Variants in TMEM132D observed in about 807,000 individuals in gnomAD.
The protein encoded by TMEM132D is transmembrane protein 132D, also known as mature OL transmembrane protein.
A neutral mutation model predicts 62.3 loss-of-function variants in TMEM132D; 21 were observed. The observed-to-expected ratio is 0.34, with a 90% confidence interval of 0.24 to 0.49. The LOEUF is 0.49. TMEM132D is among the 20% of genes least tolerant of loss of function. TMEM132D has a pLI of 0.99. For missense variants in TMEM132D, 1,346 were observed against 1,402.8 expected, an observed-to-expected ratio of 0.96 and a Z score of 0.65; for synonymous variants, 621 against 575.6, an observed-to-expected ratio of 1.08 and a Z score of -1.13.
chr12:129,476,501 G>A (rs151135406), intron 3 of TMEM132D, among the ~76,000 whole-genome samples: 20 of 152,268 alleles, frequency 1.3e-4, no homozygotes, highest in African/African-American at 4.1e-4. Flanking sequence ...AATTGCTTGC[G>A]TGTGCCGAGC....
At chr12:129,587,860 A>T (rs1202090392) in intron 2 of TMEM132D, among the ~76,000 whole-genome samples, 1 of 152,198 alleles carries the variant, frequency 6.6e-6, no homozygotes, top group Non-Finnish European at 1.5e-5. Flanking sequence ...AAAAAATAAA[A>T]TCGCACGCAT....
chr12:129,268,688 A>G (rs1880764021), intron 4 of TMEM132D, among the ~76,000 whole-genome samples: 1 of 152,184 alleles, frequency 6.6e-6, no homozygotes, highest in African/African-American at 2.4e-5. Context: ...AAAGGATTAT[A>G]AACCATGCCT....
rs1344853283 is a variant in TMEM132D, at chr12:129,903,264, T to C, written c.76A>G (p.Lys26Glu). Reference protein sequence around the residue: ...VLISLAALFSKVTEGRGILES... With the variant: ...VLISLAALFSEVTEGRGILES... ...CTGGCGGCCGCGGCGTCCTCACCTT[T>C]GGAAAACAGGGCGGCCAGGCTGATG... The change falls in exon 1 of 9, where the codon AAA becomes GAA. Residue 26 changes from lysine to glutamate, a missense_variant. Physicochemically the swap from Lys to Glu is moderately conservative, Grantham distance 56. Transcript: ENST00000422113. The surrounding 1 kb of genome is among the most constrained non-coding windows in gnomAD (Gnocchi z 6.2). 1 of 1,552,742 alleles carries C rather than the reference T, an allele frequency of 6.4e-7. No individual in the cohort carries two copies. Among genetic ancestry groups the C allele is most frequent in the South Asian group, 1.2e-5 (1 of 84,110 alleles).
chr12:129,134,967 G>C (rs1360433453), intron 5 of TMEM132D, among the ~76,000 whole-genome samples: 1 of 152,226 alleles, frequency 6.6e-6, no homozygotes, highest in Non-Finnish European at 1.5e-5. Flanking sequence ...GGACCAATTA[G>C]AGTCCTCACG....
At chr12:129,680,656 G>A (rs551057719) in intron 2 of TMEM132D, among the ~76,000 whole-genome samples, 1 of 152,154 alleles carries the variant, frequency 6.6e-6, no homozygotes, top group Admixed American at 6.6e-5. Flanking sequence ...TCAGGGAACA[G>A]GACCCATCCC....
intron 1 of TMEM132D, among the ~76,000 whole-genome samples, chr12:129,800,957 C>T (rs370631469): frequency 3.3e-5 from 5 of 152,166 alleles, no homozygotes; most frequent in East Asian, 1.9e-4. Flanking sequence ...GGGTGACAGA[C>T]GGCACCTGGA....
At chr12:129,457,629 T>C (rs56781174) in intron 3 of TMEM132D, among the ~76,000 whole-genome samples, 33,638 of 151,992 alleles carry the variant, frequency 0.22, 3,845 homozygotes, top group East Asian at 0.33. Context: ...TGACTCACAG[T>C]TCCACAGGCC....
intron 4 of TMEM132D, among the ~76,000 whole-genome samples, chr12:129,218,085 C>A (rs1879257725): frequency 6.6e-6 from 1 of 152,182 alleles, no homozygotes; most frequent in African/African-American, 2.4e-5. Context: ...TCATTTGTCT[C>A]ATTTGTGGCA....
At chr12:129,421,967 G>A (rs917560475) in intron 3 of TMEM132D, among the ~76,000 whole-genome samples, 1 of 151,906 alleles carries the variant, frequency 6.6e-6, no homozygotes, top group African/African-American at 2.4e-5. Flanking sequence ...CAATGCCATC[G>A]TTCCCCCAGA....
intron 3 of TMEM132D, among the ~76,000 whole-genome samples, chr12:129,433,870 C>T (rs943547965): frequency 3.9e-5 from 6 of 152,146 alleles, no homozygotes; most frequent in African/African-American, 1.4e-4. Flanking sequence ...GTTACTGGGC[C>T]TGAAGAGACC....
At chr12:129,633,960 GAAC>G (rs1879414488) in intron 2 of TMEM132D, among the ~76,000 whole-genome samples, 1 of 152,062 alleles carries the variant, frequency 6.6e-6, no homozygotes, top group African/African-American at 2.4e-5. Flanking sequence ...AAGAAAAAAA[GAAC>G]AACACCTTCT....
At chr12:129,084,023 T>A (rs1874533995) in intron 6 of TMEM132D, among the ~76,000 whole-genome samples, 1 of 152,172 alleles carries the variant, frequency 6.6e-6, no homozygotes, top group Admixed American at 6.5e-5. Flanking sequence ...CCCTGTCAGA[T>A]GTCCTTCCAG....
intron 2 of TMEM132D, among the ~76,000 whole-genome samples, chr12:129,566,450 C>T (rs1249210908): frequency 4.6e-5 from 7 of 152,064 alleles, no homozygotes; most frequent in African/African-American, 7.2e-5. Flanking sequence ...GGGGGTCAGA[C>T]GTGCCTCATT....
intron 4 of TMEM132D, among the ~76,000 whole-genome samples, chr12:129,284,140 G>A (rs139692141): frequency 7.2e-5 from 11 of 152,196 alleles, no homozygotes; most frequent in African/African-American, 2.6e-4. Flanking sequence ...GGGACATTTC[G>A]GCCTAATCTA....
At chr12:129,832,054 T>A (rs1227930201) in intron 1 of TMEM132D, among the ~76,000 whole-genome samples, 14 of 88,748 alleles carry the variant, frequency 1.6e-4, no homozygotes, top group Non-Finnish European at 3.3e-4. Context: ...TTTTTTTTTT[T>A]TTTTTTTGTA....
chr12:129,441,467 C>T (rs935059909), intron 3 of TMEM132D, among the ~76,000 whole-genome samples: 2 of 152,106 alleles, frequency 1.3e-5, no homozygotes, highest in Admixed American at 6.5e-5. Flanking sequence ...GAGACGCCTG[C>T]GAGGAGCTGA....
chr12:129,255,883 A>G (rs1423848600), intron 4 of TMEM132D, among the ~76,000 whole-genome samples: 3 of 152,224 alleles, frequency 2.0e-5, no homozygotes, highest in African/African-American at 7.2e-5. Context: ...TGAGGTAAAC[A>G]CTATTCAAGA....
intron 2 of TMEM132D, among the ~76,000 whole-genome samples, chr12:129,657,133 G>T (rs1264058407): frequency 6.6e-6 from 1 of 152,148 alleles, no homozygotes; most frequent in Non-Finnish European, 1.5e-5. Context: ...TAAACATGTT[G>T]GTAACTTCTA....
In TMEM132D at chr12:129,353,487, C is replaced by A. The variant is rs73422284; in HGVS notation, c.1116-15670G>T. On this transcript the variant is annotated intron_variant, in intron 3 of 8. Coordinates refer to ENST00000422113, the MANE Select transcript of TMEM132D (RefSeq NM_133448.3). ...ACAAGAGTCCCATCCTGCCAGCCCCCCTCTTCTCCTCCACATCGCTGAGTC... is the reference window on the plus strand; with the variant it reads ...ACAAGAGTCCCATCCTGCCAGCCCCACTCTTCTCCTCCACATCGCTGAGTC... Among the ~76,000 whole-genome samples, 3 of 152,198 alleles carry A rather than the reference C, an allele frequency of 2.0e-5. No homozygotes were observed. In the East Asian group the frequency reaches 5.8e-4, roughly 30 times the overall value.
Sources: gnomAD v4.1 joint callset for allele counts (sites outside exome capture counted in the v4.1 genomes callset) on GRCh38, gnomAD v4.1.1 for gene constraint, Gnocchi (gnomAD v3.1) non-coding constraint, MANE v1.5 for transcripts, NCBI Gene and HGNC (gene_info 2026-07-23, HGNC 2026-07-21) for gene names.